Variants in STARD13 observed in about 807,000 individuals in gnomAD.
The protein encoded by STARD13 is stAR-related lipid transfer protein 13.
Under a neutral mutation model 106.4 loss-of-function variants are expected in STARD13, and 62 were observed. The observed-to-expected ratio is 0.58, with a 90% CI of 0.48 to 0.72. The LOEUF is 0.72. STARD13 is among the 30% of genes least tolerant of loss of function. STARD13 has a pLI of 0.00. For synonymous variants in STARD13, 565 were observed against 553.0 expected, an observed-to-expected ratio of 1.02 and a Z score of -0.31; for missense variants, 1,387 against 1,424.0, an observed-to-expected ratio of 0.97 and a Z score of 0.42.
At chr13:33,336,412 A>G (rs999828221) in intron 1 of STARD13, 3 of 152,190 alleles carry the variant, frequency 2.0e-5, no homozygotes, top group African/African-American at 7.2e-5. Context: ...CCCTGCTGTC[A>G]AAGACAGGTC....
At chr13:33,250,512 T>A (rs146582022) in intron 1 of STARD13, among the ~76,000 whole-genome samples, 13 of 152,374 alleles carry the variant, frequency 8.5e-5, no homozygotes, top group African/African-American at 3.1e-4. Context: ...AACTTCATTC[T>A]GGAACCCATG....
At chr13:33,128,049 C>T (rs1432431264) in intron 5 of STARD13, among the ~76,000 whole-genome samples, 1 of 151,566 alleles carries the variant, frequency 6.6e-6, no homozygotes, top group Non-Finnish European at 1.5e-5. Flanking sequence ...GATACAGAGG[C>T]AGAGGATGGA....
At chr13:33,526,200 G>A in the STARD13 span, among the ~76,000 whole-genome samples, 1 of 151,864 alleles carries the variant, frequency 6.6e-6, no homozygotes, top group Non-Finnish European at 1.5e-5. Flanking sequence ...CCTTATGCTT[G>A]TGAGAGCAAC....
At chr13:33,569,704 G>A in the STARD13 span, among the ~76,000 whole-genome samples, 2 of 147,850 alleles carry the variant, frequency 1.4e-5, no homozygotes, top group South Asian at 4.3e-4. Flanking sequence ...AACTTCAATC[G>A]TAATTGATTG....
intron 1 of STARD13, among the ~76,000 whole-genome samples, chr13:33,190,848 T>A (rs1254834939): frequency 6.6e-6 from 1 of 151,832 alleles, no homozygotes; most frequent in Non-Finnish European, 1.5e-5. Flanking sequence ...CCTCCCAAAG[T>A]GCTGGGATTA....
chr13:33,589,275 G>A, the STARD13 span, among the ~76,000 whole-genome samples: 1 of 151,932 alleles, frequency 6.6e-6, no homozygotes, highest in Non-Finnish European at 1.5e-5. Flanking sequence ...TTTTTTGAAG[G>A]GTTTTTTTGT....
intron 1 of STARD13, among the ~76,000 whole-genome samples, chr13:33,318,053 AG>A (rs1203532368): frequency 6.6e-6 from 1 of 152,208 alleles, no homozygotes; most frequent in African/African-American, 2.4e-5. Flanking sequence ...CATCAATTAG[AG>A]GTTTACAATT....
chr13:33,424,833 C>A, the STARD13 span, among the ~76,000 whole-genome samples: 2 of 152,176 alleles, frequency 1.3e-5, no homozygotes, highest in Non-Finnish European at 2.9e-5. Context: ...CAGCTCAACT[C>A]TAACTTTGAG....
At chr13:33,498,212 A>G in the STARD13 span, among the ~76,000 whole-genome samples, 520 of 152,352 alleles carry the variant, frequency 3.4e-3, 3 homozygotes, top group Middle Eastern at 0.027. Flanking sequence ...TTAGAAGCAC[A>G]GCATGACAAC....
At chr13:33,643,317 C>T in the STARD13 span, among the ~76,000 whole-genome samples, 1 of 152,196 alleles carries the variant, frequency 6.6e-6, no homozygotes, top group African/African-American at 2.4e-5. Context: ...GTTTTGCCTC[C>T]ATAAGGGAAG....
the STARD13 span, among the ~76,000 whole-genome samples, chr13:33,464,703 G>C: frequency 1.3e-5 from 2 of 152,148 alleles, no homozygotes; most frequent in African/African-American, 4.8e-5. Flanking sequence ...ACAAAAATTA[G>C]CTAGGTGTGG....
At chr13:33,370,204 C>G in the STARD13 span, among the ~76,000 whole-genome samples, 2 of 152,162 alleles carry the variant, frequency 1.3e-5, no homozygotes, top group Admixed American at 1.3e-4. Context: ...CCATCAATCA[C>G]TGGGAGCTTT....
the STARD13 span, among the ~76,000 whole-genome samples, chr13:33,499,546 C>CTTA: frequency 1.9e-5 from 1 of 52,286 alleles, no homozygotes; most frequent in Non-Finnish European, 4.0e-5. Context: ...TCTTCTTCTT[C>CTTA]TTCTTCTTCT....
chr13:33,672,025 C>T, the STARD13 span, among the ~76,000 whole-genome samples: 1 of 152,048 alleles, frequency 6.6e-6, no homozygotes, highest in Non-Finnish European at 1.5e-5. Context: ...GGGTATATAC[C>T]CAAAGGATTA....
At chr13:33,215,537 C>T (rs1887991192) in intron 1 of STARD13, among the ~76,000 whole-genome samples, 1 of 152,170 alleles carries the variant, frequency 6.6e-6, no homozygotes, top group Admixed American at 6.5e-5. Context: ...ATCCAGGATG[C>T]TCAGACATAA....
chr13:33,621,680 CAAAAAAAA>C, the STARD13 span, among the ~76,000 whole-genome samples: 4 of 82,298 alleles, frequency 4.9e-5, no homozygotes, highest in East Asian at 3.2e-4. Flanking sequence ...ACTCAGTCTC[CAAAAAAAA>C]AAAAAAAAAA....
At chr13:33,453,804 G>A in the STARD13 span, among the ~76,000 whole-genome samples, 1 of 152,194 alleles carries the variant, frequency 6.6e-6, no homozygotes, top group African/African-American at 2.4e-5. Context: ...AGGATTTGGG[G>A]CCCTGCTAAT....
the STARD13 span, among the ~76,000 whole-genome samples, chr13:33,402,234 A>G: frequency 6.6e-6 from 1 of 152,272 alleles, no homozygotes; most frequent in Non-Finnish European, 1.5e-5. Context: ...ACTCTCACCA[A>G]GATAGCAATG....
chr13:33,434,606 C>A, the STARD13 span, among the ~76,000 whole-genome samples: 1 of 151,938 alleles, frequency 6.6e-6, no homozygotes, highest in Non-Finnish European at 1.5e-5. Context: ...GATCTGTATT[C>A]CTCTAGTATC....
Sources: gnomAD v4.1 joint callset for allele counts (sites outside exome capture counted in the v4.1 genomes callset) on GRCh38, gnomAD v4.1.1 for gene constraint, MANE v1.5 for transcripts, NCBI Gene and HGNC (gene_info 2026-07-23, HGNC 2026-07-21) for gene names.